ACSM3: variants seen among roughly 807,000 people sequenced by gnomAD.
ACSM3 encodes acyl-CoA synthetase medium chain family member 3.
A neutral mutation model predicts 74.1 loss-of-function variants in ACSM3; 61 were observed. The observed-to-expected ratio is 0.82, with a 90% CI of 0.67 to 1.02. The LOEUF is 1.02. ACSM3 is among the 50% of genes least tolerant of loss of function. The pLI is 0.00. For synonymous variants in ACSM3, 213 were observed against 241.5 expected, an observed-to-expected ratio of 0.88 and a Z score of 1.09; for missense variants, 660 against 697.0, an observed-to-expected ratio of 0.95 and a Z score of 0.60.
chr16:20,768,316 A>G (rs1194298337), intron 1 of ACSM3, among the ~76,000 whole-genome samples: 1 of 152,246 alleles, frequency 6.6e-6, no homozygotes, highest in East Asian at 1.9e-4. Flanking sequence ...CATATGACTC[A>G]GTAGCCAGTG....
chr16:20,736,023 T>C (rs2079865976), intron 1 of ACSM3: 1 of 152,244 alleles, frequency 6.6e-6, no homozygotes, highest in Non-Finnish European at 1.5e-5. Flanking sequence ...CTGTTTTTGA[T>C]AGTCCAAAAG....
At chr16:20,740,321 G>C (rs923277045) in intron 1 of ACSM3, among the ~76,000 whole-genome samples, 1 of 152,176 alleles carries the variant, frequency 6.6e-6, no homozygotes. Context: ...CTTCAGCCCC[G>C]GAGGTGGAAG....
chr16:20,747,785 A>G (rs191797878), intron 1 of ACSM3, among the ~76,000 whole-genome samples: 52 of 152,386 alleles, frequency 3.4e-4, no homozygotes, highest in Middle Eastern at 3.4e-3. Flanking sequence ...CCAATGCAGA[A>G]CACTAGTCTT....
chr16:20,700,101 G>C (rs992298277), intron 1 of ACSM3, among the ~76,000 whole-genome samples: 12 of 152,124 alleles, frequency 7.9e-5, no homozygotes, highest in Non-Finnish European at 1.6e-4. Flanking sequence ...TCGTAAAATG[G>C]CAAAGTCTCT....
At chr16:20,675,475 C>G (rs1047368210) in intron 1 of ACSM3, among the ~76,000 whole-genome samples, 1 of 152,090 alleles carries the variant, frequency 6.6e-6, no homozygotes, top group Non-Finnish European at 1.5e-5. Context: ...GTCTGAAACT[C>G]CTGTAATAGG....
At chr16:20,760,470 C>T (rs948971813), upstream of ACSM3, among the ~76,000 whole-genome samples, 7 of 152,066 alleles carry the variant, frequency 4.6e-5, no homozygotes, top group East Asian at 3.9e-4. Context: ...AAGTAAGTTA[C>T]GGAAGAGAGA....
intron 1 of ACSM3, chr16:20,736,976 C>CACCT: frequency 6.2e-7 from 1 of 1,614,086 alleles, no homozygotes; most frequent in Non-Finnish European, 8.5e-7. Context: ...GTGGATTAGA[C>CACCT]GTTGGTTTTG....
chr16:20,689,845 A>G lies in ACSM3; in HGVS notation c.-190+15023A>G, dbSNP rs2079620728. On this transcript the variant is annotated intron_variant, in intron 1 of 3. Transcript: ENST00000561584. The stretch of plus-strand genomic sequence containing the variant: ...GATATTTTGGCATCATCAGATTGGG[A>G]GACTAGGTTAAATAATGGATTGTGA... Among the ~76,000 whole-genome samples the G allele has an allele frequency of 2.0e-5, 3 of 152,158 alleles. No homozygotes were observed. In the South Asian group the frequency reaches 6.2e-4, roughly 31 times the overall value.
chr16:20,682,523 C>A, intron 1 of ACSM3: 1 of 1,398,512 alleles, frequency 7.2e-7, no homozygotes, highest in South Asian at 1.2e-5. Flanking sequence ...GGGCTTTAGA[C>A]TTGGCTTGTC....
intron 1 of ACSM3, chr16:20,729,602 T>C: frequency 6.4e-6 from 2 of 310,516 alleles, no homozygotes; most frequent in South Asian, 3.8e-5. Flanking sequence ...TTTTGAGTTC[T>C]GTCCATTTGA....
chr16:20,785,112 C>A lies in ACSM3; in HGVS notation c.1143+5C>A. On this transcript the variant is annotated splice_donor_5th_base_variant and intron_variant, in intron 8 of 13. Coordinates refer to ENST00000289416, the MANE Select transcript of ACSM3 (RefSeq NM_005622.4). ...GGATATGGACAGACTGAAACGGTAC[C>A]TGACCTCACTGAAAAGACATAGCTG... 6.2e-7 allele frequency: 1 copy of A among 1,612,588 alleles called. No individual in the cohort carries two copies. The highest frequency in any genetic ancestry group is 8.5e-7 in the Non-Finnish European group (1 of 1,179,200).
At position 20,770,038 on chromosome 16, in the gene ACSM3, C is replaced by G. The variant is rs368081717; in HGVS notation, c.4C>G (p.Leu2Val). 70 of 1,614,144 alleles carry G rather than the reference C, an allele frequency of 4.3e-5. No individual in the cohort carries two copies. Among genetic ancestry groups the G allele is most frequent in the Admixed American group, 3.5e-4 (21 of 60,024 alleles). MLARVTRKMLRH... is the reference protein window; with the variant it reads MVARVTRKMLRH... ...GCTAAAGCTTCCAACAAGACTGATG[C>G]TAGCTCGTGTCACCAGGAAGATGCT... is the stretch of plus-strand genomic sequence containing the variant. Residue 2 changes from leucine (L) to valine (V), a missense_variant, in exon 2 of 14, where the codon CTA becomes GTA. Coordinates refer to ENST00000289416, the MANE Select transcript of ACSM3 (RefSeq NM_005622.4).
At position 20,781,768 on chromosome 16, in the gene ACSM3, G is replaced by A. The variant is rs1346066860; in HGVS notation, c.1000G>A (p.Val334Ile). ...AGCACCAACTGTATACCGAATGCTT[G>A]TACAGAATGATATAACCAGGTAAGA... Reference protein sequence around the residue: ...CSAPTVYRMLVQNDITSYKFK... With the variant: ...CSAPTVYRMLIQNDITSYKFK... Residue 334 changes from valine to isoleucine, a missense_variant, in exon 7 of 14, where the codon GTA becomes ATA. Coordinates refer to ENST00000289416, the MANE Select transcript of ACSM3 (RefSeq NM_005622.4). 5 of 1,611,142 alleles carry A rather than the reference G, an allele frequency of 3.1e-6. No homozygotes were observed. Among genetic ancestry groups the A allele is most frequent in the Non-Finnish European group, 4.2e-6 (5 of 1,177,510 alleles).
intron 3 of ACSM3, among the ~76,000 whole-genome samples, chr16:20,757,476 C>T (rs1443379238): frequency 2.0e-5 from 3 of 151,840 alleles, no homozygotes; most frequent in Non-Finnish European, 2.9e-5. Context: ...GATTTTTGCA[C>T]ATTGATTTTG....
At chr16:20,724,400 A>G (rs1596485692) in intron 1 of ACSM3, among the ~76,000 whole-genome samples, 2 of 152,236 alleles carry the variant, frequency 1.3e-5, no homozygotes, top group East Asian at 3.8e-4. Flanking sequence ...AGAGCTATCT[A>G]TGACAAACCC....
Position 20,789,635 on chromosome 16 carries a change from G to A in ACSM3, c.1225-952G>A, listed in dbSNP as rs1027081551. ...AGATAATCAAGACCTATTGCTAAAT[G>A]ATAAAAGCAGGTTGGCAAAACTGTA... is the stretch of plus-strand genomic sequence containing the variant. On this transcript the variant is annotated intron_variant, in intron 9 of 13. Transcript: ENST00000289416. 24 of 904,600 alleles carry A rather than the reference G, an allele frequency of 2.7e-5. 1 individual carries two copies. In the South Asian group the frequency reaches 3.3e-4, roughly 12 times the overall value. The allele number at this position is 904,600 out of a possible 1,614,324, so 56.0% of individuals were successfully genotyped here.
At chr16:20,680,704 T>A (rs187212891) in intron 1 of ACSM3, 1 of 152,150 alleles carries the variant, frequency 6.6e-6, no homozygotes, top group African/African-American at 2.4e-5. Flanking sequence ...CAAAACTCTA[T>A]GGAGAAGCAC....
intron 1 of ACSM3, chr16:20,737,116 G>A: frequency 6.2e-7 from 1 of 1,614,180 alleles, no homozygotes; most frequent in South Asian, 1.1e-5. Context: ...GAGTTAAGCT[G>A]TGACGGATCC....
intron 1 of ACSM3, among the ~76,000 whole-genome samples, chr16:20,723,668 T>A (rs1173741464): frequency 3.9e-5 from 6 of 152,236 alleles, no homozygotes; most frequent in Non-Finnish European, 5.9e-5. Context: ...GTTTTTTGGC[T>A]GCATAAATGT....
Sources: allele counts gnomAD v4.1 joint callset (sites outside exome capture counted in the v4.1 genomes callset), GRCh38; gene constraint gnomAD v4.1.1; transcripts MANE v1.5; gene names NCBI Gene and HGNC (gene_info 2026-07-23, HGNC 2026-07-21).